EIF2B1: variants seen among roughly 807,000 people sequenced by gnomAD.
EIF2B1 encodes the protein translation initiation factor eIF2B subunit alpha.
Under a neutral mutation model 36.8 loss-of-function variants are expected in EIF2B1, and 30 were observed. That is an observed-to-expected ratio of 0.81 (90% CI 0.61 to 1.10). The LOEUF (loss-of-function observed/expected upper bound fraction) is 1.10, where lower values mean the gene tolerates loss of function less well. Ranked by LOEUF, EIF2B1 falls within the 50% of genes least tolerant of loss-of-function variation. The pLI is 0.00. For missense variants in EIF2B1, 271 were observed against 374.8 expected (o/e 0.72, Z 2.29); for synonymous variants, 139 against 142.2 (o/e 0.98, Z 0.16).
chr12:123,621,968 G>T, intron 8 of EIF2B1, 48 bp from the exon 9 acceptor site: 1 of 1,606,058 alleles, frequency 6.2e-7, no homozygotes, highest in South Asian at 1.1e-5. Flanking sequence ...TTAGTGCTCT[G>T]ACCTGGTAGG....
rs370678173 is a variant in EIF2B1, at chr12:123,627,087, G to A, written c.439C>T (p.Arg147Ter). 134 of 1,614,114 alleles carry A rather than the reference G, an allele frequency of 8.3e-5. No homozygotes were observed. The South Asian group carries it at 1.1e-3, about 13-fold the overall frequency. ...GACTCTGTGACGTATACACTAAATCGCTTCTTGGCCGCCACGGCTGCTTCC... is the reference window on the plus strand; with the variant it reads ...GACTCTGTGACGTATACACTAAATCACTTCTTGGCCGCCACGGCTGCTTCC... ...VLEAAVAAKK[R>*]FSVYVTESQP... The change falls in exon 5 of 9, where the codon CGA (arginine) becomes TGA (stop). Residue 147 changes from arginine to a stop codon, truncating the protein, a stop_gained. Transcript: ENST00000424014. LOFTEE classifies it high-confidence loss of function.
chr12:123,623,286 T>C (rs1055611800), intron 7 of EIF2B1, among the ~76,000 whole-genome samples: 1 of 151,890 alleles, frequency 6.6e-6, no homozygotes, highest in Admixed American at 6.6e-5. Flanking sequence ...CTAGGGAGGC[T>C]GAAGCAGGAG....
At chr12:123,629,389 C>T (rs1162343766) in intron 4 of EIF2B1, among the ~76,000 whole-genome samples, 1 of 152,192 alleles carries the variant, frequency 6.6e-6, no homozygotes, top group Non-Finnish European at 1.5e-5. Flanking sequence ...CTATTGCTAA[C>T]CTTCACTAAG....
rs1447047140 is a variant in EIF2B1 at position 123,621,874 on chromosome 12, T to G, written c.800A>C (p.Lys267Thr). Residue 267 changes from lysine (K) to threonine (T), a missense_variant, in exon 9 of 9, where the codon AAA (lysine) becomes ACA (threonine). Lys to Thr is a moderately conservative substitution (Grantham distance 78). Transcript: ENST00000424014. ...GTAGTCGACCCACGGATGCTCCTCT[T>G]TGAGGTCTTGTCCAGTCTGCGCGAC... ...LKVAQTGQDL[K>T]EEHPWVDYTA... 3 of 1,613,938 alleles carry G rather than the reference T, an allele frequency of 1.9e-6. No homozygotes were observed. Among genetic ancestry groups the G allele is most frequent in the Non-Finnish European group, 2.5e-6 (3 of 1,180,028 alleles).
rs1955099873 is a variant in EIF2B1 at position 123,621,654 on chromosome 12, T to C, written c.*102A>G. 4 of 1,463,970 alleles carry C rather than the reference T, an allele frequency of 2.7e-6. No individual in the cohort carries two copies. In the African/African-American group the frequency reaches 5.6e-5, roughly 20 times the overall value. The allele number at this position is 1,463,970 out of a possible 1,614,324, so 90.7% of individuals were successfully genotyped here. On this transcript the variant is annotated 3_prime_UTR_variant, in exon 9 of 9. Transcript: ENST00000424014. The stretch of plus-strand genomic sequence containing the variant: ...TAAGTCCTTACTCCATAAATCTTCA[T>C]TAAACACATCTCAGTTTTGGCCTGA...
At position 123,630,315 on chromosome 12, in the gene EIF2B1, A is replaced by G; in HGVS notation, c.253-30T>C. 4 of 1,614,048 alleles carry G rather than the reference A, an allele frequency of 2.5e-6. No individual in the cohort carries two copies. Among genetic ancestry groups the G allele is most frequent in the Non-Finnish European group, 3.4e-6 (4 of 1,179,904 alleles). ...GAAGAAAAGAGCAAACTGAGGGGAC[A>G]GGGAAGATCCAGTTAATGCTGAGAA... On this transcript the variant is annotated intron_variant, in intron 3 of 8. Transcript: ENST00000424014. The surrounding 1 kb of genome is among the most constrained non-coding windows in gnomAD (Gnocchi z 4.6).
In EIF2B1 at chr12:123,628,779, G is replaced by C. The variant is rs570373486; in HGVS notation, c.369+1390C>G. Among the ~76,000 whole-genome samples the C allele has an allele frequency of 2.0e-5, 3 of 152,196 alleles. No homozygotes were observed. In the East Asian group the frequency reaches 5.8e-4, roughly 29 times the overall value. On this transcript the variant is annotated intron_variant, in intron 4 of 8. Coordinates refer to ENST00000424014, the MANE Select transcript of EIF2B1 (RefSeq NM_001414.4). ...GAGAACCCGTTAGGAAGGCAGGTTCGTGGACCCTAGCCCAAACCCACTGAA... is the reference window on the plus strand; with the variant it reads ...GAGAACCCGTTAGGAAGGCAGGTTCCTGGACCCTAGCCCAAACCCACTGAA...
chr12:123,623,632 C>G (rs1437600840), intron 7 of EIF2B1, among the ~76,000 whole-genome samples: 1 of 151,986 alleles, frequency 6.6e-6, no homozygotes, highest in Non-Finnish European at 1.5e-5. Context: ...GCCACCATGC[C>G]CAGCTAATTT....
intron 8 of EIF2B1, among the ~76,000 whole-genome samples, chr12:123,622,345 C>G (rs534873911): frequency 1.3e-5 from 2 of 152,214 alleles, no homozygotes; most frequent in African/African-American, 2.4e-5. Context: ...TCAACTCGCA[C>G]AGTTTGTAAG....
chr12:123,628,884 A>C (rs1411593621), intron 4 of EIF2B1, among the ~76,000 whole-genome samples: 3 of 152,168 alleles, frequency 2.0e-5, no homozygotes, highest in Non-Finnish European at 2.9e-5. Context: ...AATTTTGTCT[A>C]AATCAGTCCT....
chr12:123,626,841 A>C, intron 5 of EIF2B1: 1 of 706,820 alleles, frequency 1.4e-6, no homozygotes, highest in Non-Finnish European at 2.6e-6. Context: ...TTAACTACTT[A>C]AGTGAAACCC....
At chr12:123,632,292 A>AG in intron 2 of EIF2B1, 53 bp downstream of exon 2, 2 of 1,207,910 alleles carry the variant, frequency 1.7e-6, no homozygotes, top group Non-Finnish European at 1.2e-6. Flanking sequence ...AAAAGAAAAG[A>AG]AAAAAAAGAC....
chr12:123,629,985 A>C (rs1419088572), intron 4 of EIF2B1, 184 bp downstream of exon 4: 5 of 664,400 alleles, frequency 7.5e-6, no homozygotes, highest in African/African-American at 1.8e-5. Flanking sequence ...TTTAATCCTC[A>C]CAACAACCCA....
intron 7 of EIF2B1, among the ~76,000 whole-genome samples, chr12:123,623,993 C>T (rs1955128117): frequency 6.6e-6 from 1 of 151,538 alleles, no homozygotes; most frequent in Non-Finnish European, 1.5e-5. Flanking sequence ...GCTATGATCA[C>T]TGTACTACAC....
At chr12:123,623,244 G>GTA (rs1955121511) in intron 7 of EIF2B1, among the ~76,000 whole-genome samples, 1 of 151,948 alleles carries the variant, frequency 6.6e-6, no homozygotes, top group South Asian at 2.1e-4. Flanking sequence ...AGCTGGGCAT[G>GTA]GTGGGATGGG....
At chr12:123,622,938 C>T (rs144447825) in intron 7 of EIF2B1, among the ~76,000 whole-genome samples, 177 bp from the exon 8 acceptor site, 14 of 146,842 alleles carry the variant, frequency 9.5e-5, no homozygotes, top group African/African-American at 3.0e-4. Context: ...GGTGAGACCT[C>T]GTCTCAATTA....
rs200969641 is a variant in EIF2B1, at chr12:123,632,459, A to G, written c.14-13T>C. 1.4e-3 allele frequency: 2,221 copies of G among 1,574,842 alleles called. 4 individuals carry two copies. Among genetic ancestry groups the G allele is most frequent in the Non-Finnish European group, 1.8e-3 (2,034 of 1,145,734 alleles). The stretch of plus-strand genomic sequence containing the variant: ...TATTCAATTAACTCTGGAAAAAGGG[A>G]AAAAAGTGATTCACCTAATTCATTT... On this transcript the variant is annotated splice_polypyrimidine_tract_variant and intron_variant, in intron 1 of 8. Transcript: ENST00000424014.
chr12:123,629,590 G>A lies in EIF2B1; in HGVS notation c.369+579C>T, dbSNP rs546568460. ...GGGTGGATCACAAGGTCAGGAGATC[G>A]AGACCATCCTGGCTAACACAGTGAA... On this transcript the variant is annotated intron_variant, in intron 4 of 8. Coordinates refer to ENST00000424014, the MANE Select transcript of EIF2B1 (RefSeq NM_001414.4). Among the ~76,000 whole-genome samples, 27 of 152,184 alleles carry A rather than the reference G, an allele frequency of 1.8e-4. No homozygotes were observed. The South Asian group carries it at 4.4e-3, about 25-fold the overall frequency.
chr12:123,632,373 C>T lies in EIF2B1; in HGVS notation c.87G>A (p.Thr29=), dbSNP rs772193640. The change falls in exon 2 of 9, where the codon ACG becomes ACA. Residue 29 remains threonine, a synonymous_variant. Coordinates refer to ENST00000424014, the MANE Select transcript of EIF2B1 (RefSeq NM_001414.4). The part of the protein sequence containing the change: ...DMASAVAAIR[T]LLEFLKRDKG... Reference sequence around the variant, plus strand: ...TATCTCTCTTCAAGAACTCCAGCAACGTCCGGATGGCAGCCACTGCTGAGG... The same window carrying T: ...TATCTCTCTTCAAGAACTCCAGCAATGTCCGGATGGCAGCCACTGCTGAGG... 11 of 1,613,080 alleles carry T rather than the reference C, an allele frequency of 6.8e-6. No homozygotes were observed. Among genetic ancestry groups the T allele is most frequent in the African/African-American group, 6.7e-5 (5 of 74,788 alleles).
Sources: allele counts gnomAD v4.1 joint callset (sites outside exome capture counted in the v4.1 genomes callset), GRCh38; gene constraint gnomAD v4.1.1; non-coding constraint Gnocchi (gnomAD v3.1); transcripts MANE v1.5; gene names NCBI Gene and HGNC (gene_info 2026-07-23, HGNC 2026-07-21).